The following CTTNBP2 variants were observed in gnomAD, a reference collection of about 807,000 sequenced individuals.
CTTNBP2 encodes the protein cortactin-binding protein 2.
CTTNBP2 carries 108 observed loss-of-function variants against 156.9 expected under a neutral mutation model. The observed-to-expected ratio is 0.69, with a 90% CI of 0.59 to 0.81. The LOEUF is 0.81. Among genes scored for constraint, CTTNBP2 ranks in the 30% least tolerant of loss-of-function variants. CTTNBP2 has a pLI of 0.00. For missense variants in CTTNBP2, 1,924 were observed against 2,035.4 expected (o/e 0.95, Z 1.05); for synonymous variants, 767 against 751.8 (o/e 1.02, Z -0.33).
At chr7:117,810,580 T>TAAAA (rs1800214050) in intron 3 of CTTNBP2, among the ~76,000 whole-genome samples, 185 bp downstream of exon 3, 1 of 152,224 alleles carries the variant, frequency 6.6e-6, no homozygotes, top group Non-Finnish European at 1.5e-5. Flanking sequence ...GGTTTAGTGT[T>TAAAA]ATTTTGAGTT....
In CTTNBP2 at chr7:117,728,118, T is replaced by C; in HGVS notation, c.4026A>G (p.Val1342=). Residue 1342 remains valine (V), a synonymous_variant, in exon 17 of 23, where the codon GTA becomes GTG. Coordinates refer to ENST00000160373, the MANE Select transcript of CTTNBP2 (RefSeq NM_033427.3). ...CTGTCACTTGGGCATGCCCAGGAAC[T>C]ACAGGACAAGACAGGAAATATTTTG... ...LGPKYFLSCP[V]VPGHAQVTVK... 6.2e-7 allele frequency: 1 copy of C among 1,614,066 alleles called. No homozygotes were observed. Among genetic ancestry groups the C allele is most frequent in the East Asian group, 2.2e-5 (1 of 44,874 alleles).
intron 16 of CTTNBP2, among the ~76,000 whole-genome samples, chr7:117,731,878 A>G (rs1795420817): frequency 6.6e-6 from 1 of 152,240 alleles, no homozygotes; most frequent in Non-Finnish European, 1.5e-5. Flanking sequence ...AGGGGCACGC[A>G]GACAAAGGAG....
At chr7:117,869,075 C>T (rs535907487) in intron 1 of CTTNBP2, among the ~76,000 whole-genome samples, 1 of 152,228 alleles carries the variant, frequency 6.6e-6, no homozygotes, top group East Asian at 1.9e-4. Context: ...AGAGGTGCAG[C>T]CTCAATCATC....
chr7:117,788,557 A>T (rs1371676287), intron 4 of CTTNBP2, among the ~76,000 whole-genome samples: 1 of 152,222 alleles, frequency 6.6e-6, no homozygotes, highest in Admixed American at 6.5e-5. Context: ...CCAGGCACAG[A>T]CAGGTTAGTA....
At position 117,791,128 on chromosome 7, in the gene CTTNBP2, C is replaced by G; in HGVS notation, c.2068G>C (p.Gly690Arg). The G allele has an allele frequency of 6.2e-7, 1 of 1,611,524 alleles. No individual in the cohort carries two copies. The highest frequency in any genetic ancestry group is 8.5e-7 in the Non-Finnish European group (1 of 1,178,146). The change falls in exon 4 of 23, where the codon GGC (glycine) becomes CGC (arginine). Residue 690 changes from glycine (G) to arginine (R), a missense_variant and splice_region_variant. Coordinates refer to ENST00000160373, the MANE Select transcript of CTTNBP2 (RefSeq NM_033427.3). ...ASDSLLVTASGWSPSLTPLLM... is the reference protein window; with the variant it reads ...ASDSLLVTASRWSPSLTPLLM... ...GCGTATAACATTTCAATCCCTTTAC[C>G]TGATGCTGTTACCAGGAGGCTGTCT... is the stretch of plus-strand genomic sequence containing the variant.
chr7:117,823,979 T>C (rs1360261111), intron 2 of CTTNBP2, among the ~76,000 whole-genome samples: 1 of 147,204 alleles, frequency 6.8e-6, no homozygotes, highest in African/African-American at 2.5e-5. Context: ...AGCTATTAGG[T>C]GGAAATATTT....
intron 1 of CTTNBP2, among the ~76,000 whole-genome samples, chr7:117,872,730 A>G (rs1408541529): frequency 1.3e-5 from 2 of 152,116 alleles, no homozygotes; most frequent in Non-Finnish European, 2.9e-5. Flanking sequence ...ATGGGGCAGC[A>G]GGCTGCTAGG....
rs549812914 is a variant in CTTNBP2, at chr7:117,737,730, T to C, written c.3536-2309A>G. On this transcript the variant is annotated intron_variant, in intron 14 of 22. Transcript: ENST00000160373. The stretch of plus-strand genomic sequence containing the variant: ...CTGGGATTACAGGTGCACACCACCA[T>C]GCCAAATACAAAATTTTTTTTTGTA... 2.8e-4 allele frequency among the ~76,000 whole-genome samples: 43 copies of C among 152,194 alleles called. No individual in the cohort carries two copies. The South Asian group carries it at 7.9e-3, about 28-fold the overall frequency.
intron 14 of CTTNBP2, among the ~76,000 whole-genome samples, chr7:117,744,774 G>A (rs1313951517): frequency 6.6e-6 from 1 of 152,064 alleles, no homozygotes; most frequent in Non-Finnish European, 1.5e-5. Flanking sequence ...GGGCGTGCCT[G>A]TAGTCCTACC....
rs886069003 is a variant in CTTNBP2 at position 117,843,781 on chromosome 7, C to A, written c.189+17428G>T. ...GGGGCAGCTACACAAGTGGGAGGAC[C>A]AGTTAGGAAGGTATCAAAATAATTC... is the stretch of plus-strand genomic sequence containing the variant. On this transcript the variant is annotated intron_variant, in intron 2 of 22. Transcript: ENST00000160373. 2.6e-5 allele frequency among the ~76,000 whole-genome samples: 4 copies of A among 152,050 alleles called. No homozygotes were observed. In the East Asian group the frequency reaches 7.7e-4, roughly 29 times the overall value.
chr7:117,789,600 AT>A (rs1167930624), intron 4 of CTTNBP2, among the ~76,000 whole-genome samples: 4 of 152,234 alleles, frequency 2.6e-5, no homozygotes, highest in Non-Finnish European at 5.9e-5. Context: ...AAAATATAGA[AT>A]GCTGAATGCC....
At chr7:117,768,915 C>G (rs894869184) in intron 8 of CTTNBP2, among the ~76,000 whole-genome samples, 1 of 152,182 alleles carries the variant, frequency 6.6e-6, no homozygotes, top group South Asian at 2.1e-4. Context: ...AAAATGATTA[C>G]TATGTGGGAT....
chr7:117,749,627 G>A (rs1158217676), intron 12 of CTTNBP2, among the ~76,000 whole-genome samples: 1 of 152,148 alleles, frequency 6.6e-6, no homozygotes, highest in Non-Finnish European at 1.5e-5. Context: ...GAGTGGAGAA[G>A]AATATCATAG....
At chr7:117,748,252 G>A (rs535639654) in intron 12 of CTTNBP2, among the ~76,000 whole-genome samples, 4 of 152,232 alleles carry the variant, frequency 2.6e-5, no homozygotes, top group Non-Finnish European at 5.9e-5. Context: ...CCTGGGTGAC[G>A]TACAGATTGT....
intron 8 of CTTNBP2, among the ~76,000 whole-genome samples, chr7:117,770,560 C>T (rs1281600778): frequency 6.6e-6 from 1 of 152,208 alleles, no homozygotes; most frequent in Non-Finnish European, 1.5e-5. Flanking sequence ...TCGTTTAGCC[C>T]TCACAGCAAC....
intron 8 of CTTNBP2, among the ~76,000 whole-genome samples, chr7:117,769,605 C>T (rs1370778924): frequency 6.6e-6 from 1 of 152,142 alleles, no homozygotes; most frequent in African/African-American, 2.4e-5. Context: ...TAAGAAATTG[C>T]TAAGCTAAGA....
intron 4 of CTTNBP2, 81 bp downstream of exon 4, chr7:117,791,047 A>T: frequency 8.3e-7 from 1 of 1,203,462 alleles, no homozygotes; most frequent in Non-Finnish European, 1.2e-6. Context: ...AAAAAGTTTC[A>T]AGGCAATGTG....
intron 1 of CTTNBP2, among the ~76,000 whole-genome samples, chr7:117,864,689 C>CATATATTTATATA (rs1554451702): frequency 1.2e-5 from 1 of 82,804 alleles, no homozygotes; most frequent in African/African-American, 3.5e-5. Context: ...TATATATATT[C>CATATATTTATATA]ATATATATTC....
intron 2 of CTTNBP2, among the ~76,000 whole-genome samples, chr7:117,828,467 A>G (rs967074691): frequency 3.9e-5 from 6 of 152,236 alleles, no homozygotes; most frequent in Admixed American, 1.3e-4. Context: ...GGGTAGGCAC[A>G]TCGCAGCAGG....
Sources: allele counts gnomAD v4.1 joint callset (sites outside exome capture counted in the v4.1 genomes callset), GRCh38; gene constraint gnomAD v4.1.1; transcripts MANE v1.5; gene names NCBI Gene and HGNC (gene_info 2026-07-23, HGNC 2026-07-21).